The following BAZ2B variants were observed in gnomAD, a reference collection of about 807,000 sequenced individuals.
The protein encoded by BAZ2B is bromodomain adjacent to zinc finger domain protein 2B.
Under a neutral mutation model 246.0 loss-of-function variants are expected in BAZ2B, and 91 were observed. That is an observed-to-expected ratio of 0.37 (90% CI 0.31 to 0.44). The LOEUF (loss-of-function observed/expected upper bound fraction) is 0.44, where lower values mean the gene tolerates loss of function less well. Among genes scored for constraint, BAZ2B ranks in the 20% least tolerant of loss-of-function variants. BAZ2B has a pLI of 1.00. For missense variants in BAZ2B, 2,332 were observed against 2,533.7 expected (o/e 0.92, Z 1.71); for synonymous variants, 855 against 860.0 (o/e 0.99, Z 0.10).
chr2:159,708,531 G>A, the BAZ2B span, among the ~76,000 whole-genome samples: 2 of 150,458 alleles, frequency 1.3e-5, no homozygotes, highest in African/African-American at 2.5e-5. Context: ...TTCTCTTTAC[G>A]TGTTTTAATA....
At chr2:159,327,101 G>T (rs1441187530) in intron 34 of BAZ2B, among the ~76,000 whole-genome samples, 1 of 147,098 alleles carries the variant, frequency 6.8e-6, no homozygotes, top group African/African-American at 2.5e-5. Flanking sequence ...CCCAGGCTGG[G>T]AGTGCAGTGG....
intron 1 of BAZ2B, among the ~76,000 whole-genome samples, chr2:159,566,574 G>A (rs900978395): frequency 6.6e-6 from 1 of 152,022 alleles, no homozygotes; most frequent in Non-Finnish European, 1.5e-5. Flanking sequence ...CTTACAACAG[G>A]AGGCCATTCA....
In BAZ2B at chr2:159,539,546, T is replaced by C. The variant is rs752831142; in HGVS notation, c.-3+16277A>G. ...TGAAACAGTCTCAAATTAAACATGG[T>C]GGTGGAGGGATTATTAAAATCAACC... On this transcript the variant is annotated intron_variant, in intron 2 of 36. Coordinates refer to ENST00000392783, the MANE Select transcript of BAZ2B (RefSeq NM_013450.4). 1.1e-3 allele frequency among the ~76,000 whole-genome samples: 165 copies of C among 152,298 alleles called. 1 individual carries two copies. Among genetic ancestry groups the C allele is most frequent in the Non-Finnish European group, 2.1e-3 (140 of 68,020 alleles).
At chr2:159,464,905 T>A (rs2076858524) in intron 3 of BAZ2B, 1 of 152,244 alleles carries the variant, frequency 6.6e-6, no homozygotes, top group South Asian at 2.1e-4. Flanking sequence ...TTTACTTTAC[T>A]TACCTTAACC....
intron 1 of BAZ2B, among the ~76,000 whole-genome samples, chr2:159,587,552 TACTG>T (rs1195107872): frequency 1.2e-4 from 19 of 152,212 alleles, no homozygotes; most frequent in Non-Finnish European, 5.9e-5. Context: ...AGCTAATATT[TACTG>T]ACTAAATTAC....
intron 2 of BAZ2B, among the ~76,000 whole-genome samples, chr2:159,517,784 G>A (rs1052572643): frequency 1.3e-5 from 2 of 152,090 alleles, no homozygotes; most frequent in South Asian, 2.1e-4. Context: ...TTACATATAC[G>A]TAATATGTCA....
At chr2:159,324,011 G>A (rs13005754) in intron 36 of BAZ2B, among the ~76,000 whole-genome samples, 41,884 of 151,886 alleles carry the variant, frequency 0.28, 6,558 homozygotes, top group East Asian at 0.61. Context: ...TTGTCATTTG[G>A]TCAATCTAGT....
intron 26 of BAZ2B, 148 bp downstream of exon 26, chr2:159,374,543 T>C: frequency 1.5e-6 from 1 of 655,476 alleles, no homozygotes; most frequent in Non-Finnish European, 2.6e-6. Flanking sequence ...TTATTTTTTT[T>C]TCTGACAAAA....
At chr2:159,464,577 A>G (rs2076814238) in intron 3 of BAZ2B, 1 of 152,188 alleles carries the variant, frequency 6.6e-6, no homozygotes, top group Non-Finnish European at 1.5e-5. Flanking sequence ...TTTTCTCTTC[A>G]AAAGGCATTT....
chr2:159,557,875 T>A (rs2089387166), intron 1 of BAZ2B, among the ~76,000 whole-genome samples: 1 of 151,886 alleles, frequency 6.6e-6, no homozygotes, highest in African/African-American at 2.4e-5. Context: ...CCATAACAAC[T>A]TGGTATACGT....
rs1553692834 is a variant in BAZ2B, at chr2:159,519,236, T to TTTTA, written c.-3+36586_-3+36587insTAAA. Among the ~76,000 whole-genome samples, 6 of 70,612 alleles carry TTTTA rather than the reference T, an allele frequency of 8.5e-5. 1 individual carries two copies. The highest frequency in any genetic ancestry group is 2.7e-4 in the Admixed American group (2 of 7,376). 46.3% of individuals were successfully genotyped at this position (70,612 alleles called of 152,430 possible). A position where few individuals can be genotyped will look rare whatever the true frequency, so the allele number is the denominator to read the frequency against. On this transcript the variant is annotated intron_variant, in intron 2 of 36. Transcript: ENST00000392783. ...TTTTTTTTTTTTTTTTTTTTTTTTT[T>TTTTA]TTTTGAGACGGAGTCTCGCTCTGTC...
chr2:159,416,041 C>T (rs990432881), intron 13 of BAZ2B, among the ~76,000 whole-genome samples: 4 of 152,094 alleles, frequency 2.6e-5, no homozygotes, highest in African/African-American at 9.7e-5. Flanking sequence ...TGCTCCTGAC[C>T]ACTATGGGTA....
chr2:159,487,821 C>T (rs1271137820), intron 2 of BAZ2B, among the ~76,000 whole-genome samples: 2 of 151,142 alleles, frequency 1.3e-5, no homozygotes, highest in African/African-American at 4.9e-5. Context: ...AACAAAGCTT[C>T]CGAGGAGTCT....
chr2:159,532,189 T>G (rs1396626766), intron 2 of BAZ2B, among the ~76,000 whole-genome samples: 1 of 152,214 alleles, frequency 6.6e-6, no homozygotes, highest in Non-Finnish European at 1.5e-5. Context: ...AATCAATGTT[T>G]TTTAACATTT....
chr2:159,574,361 C>CA (rs1359088621), intron 1 of BAZ2B, among the ~76,000 whole-genome samples: 8 of 151,218 alleles, frequency 5.3e-5, no homozygotes, highest in African/African-American at 1.2e-4. Flanking sequence ...CAAAACAAAA[C>CA]AAAAAAAACC....
At chr2:159,326,008 T>A in intron 34 of BAZ2B, 90 bp from the exon 35 acceptor site, 1 of 1,121,660 alleles carries the variant, frequency 8.9e-7, no homozygotes, top group Non-Finnish European at 1.2e-6. Context: ...ACAGGACAAA[T>A]AAGTAAAAAG....
intron 10 of BAZ2B, among the ~76,000 whole-genome samples, 183 bp from the exon 11 acceptor site, chr2:159,429,443 T>C (rs1040666340): frequency 1.3e-5 from 2 of 152,112 alleles, no homozygotes; most frequent in Non-Finnish European, 1.5e-5. Flanking sequence ...GGGGCTTTTT[T>C]CTTCTTTTGG....
intron 1 of BAZ2B, among the ~76,000 whole-genome samples, chr2:159,556,705 AC>A (rs1479465190): frequency 6.6e-6 from 1 of 152,066 alleles, no homozygotes; most frequent in Non-Finnish European, 1.5e-5. Flanking sequence ...CAAGTGATCC[AC>A]CTACTTTGAC....
chr2:159,684,902 A>T, the BAZ2B span, among the ~76,000 whole-genome samples: 7 of 152,304 alleles, frequency 4.6e-5, no homozygotes, highest in African/African-American at 1.7e-4. Flanking sequence ...TTCTGTAAGA[A>T]ATGCTATATT....
Sources: gnomAD v4.1 joint callset for allele counts (sites outside exome capture counted in the v4.1 genomes callset) on GRCh38, gnomAD v4.1.1 for gene constraint, MANE v1.5 for transcripts, NCBI Gene and HGNC (gene_info 2026-07-23, HGNC 2026-07-21) for gene names.